Variants in BPTF observed in about 807,000 individuals in gnomAD.
BPTF encodes nucleosome-remodeling factor subunit BPTF.
Under a neutral mutation model 292.5 loss-of-function variants are expected in BPTF, and 18 were observed. The observed-to-expected ratio is 0.06, with a 90% confidence interval of 0.04 to 0.09. The LOEUF (loss-of-function observed/expected upper bound fraction) is 0.09, where lower values mean the gene tolerates loss of function less well. BPTF is among the 10% of genes least tolerant of loss of function. The pLI is 1.00. For missense variants in BPTF, 2,726 were observed against 3,498.7 expected (o/e 0.78, Z 5.57); for synonymous variants, 1,225 against 1,251.9 (o/e 0.98, Z 0.45).
chr17:67,954,126 ACGGG>A (rs537034909), intron 23 of BPTF, among the ~76,000 whole-genome samples: 2,253 of 9,432 alleles, frequency 0.24, 64 homozygotes, highest in Admixed American at 0.38. Flanking sequence ...AGCTGGGACT[ACGGG>A]TACGGGCGAA....
intron 4 of BPTF, among the ~76,000 whole-genome samples, chr17:67,882,178 T>TA (rs1176316218): frequency 6.6e-6 from 1 of 152,150 alleles, no homozygotes; most frequent in Non-Finnish European, 1.5e-5. Context: ...AGGCTTATGT[T>TA]ACACAGTACC....
intron 7 of BPTF, among the ~76,000 whole-genome samples, chr17:67,902,624 T>G (rs2061921044): frequency 6.6e-6 from 1 of 152,164 alleles, no homozygotes; most frequent in Non-Finnish European, 1.5e-5. Flanking sequence ...AGGCATGAGC[T>G]GTCAGCCTGG....
chr17:67,909,656 A>G lies in BPTF; in HGVS notation c.2887A>G (p.Ile963Val), dbSNP rs1475429030. 1.1e-5 allele frequency: 17 copies of G among 1,604,488 alleles called. No homozygotes were observed. The highest frequency in any genetic ancestry group is 1.3e-5 in the Non-Finnish European group (15 of 1,177,136). ...KCSRSPKKIKIEPDSEKDEVK... is the reference protein window; with the variant it reads ...KCSRSPKKIKVEPDSEKDEVK... ...TTCACGAAGTCCAAAAAAAATAAAA[A>G]TAGAGCCTGATTCTGAAAAAGATGA... Residue 963 changes from isoleucine (I) to valine (V), a missense_variant, in exon 10 of 28, where the codon ATA becomes GTA. This residue lies in a region of BPTF where 713 missense variants were observed against 714.9 expected (regional missense o/e 1.00). Transcript: ENST00000306378.
At chr17:67,831,751 T>C (rs2056701671) in intron 1 of BPTF, among the ~76,000 whole-genome samples, 2 of 152,112 alleles carry the variant, frequency 1.3e-5, no homozygotes, top group African/African-American at 4.8e-5. Context: ...CCCTTCCTGC[T>C]CCTTAGCCAG....
intron 4 of BPTF, among the ~76,000 whole-genome samples, chr17:67,883,760 C>G (rs1009154098): frequency 6.6e-6 from 1 of 152,140 alleles, no homozygotes; most frequent in Non-Finnish European, 1.5e-5. Context: ...GCCGCTGTGC[C>G]CAGCTAATTT....
chr17:67,857,135 TTCG>T (rs2058736714), intron 2 of BPTF, among the ~76,000 whole-genome samples: 1 of 151,306 alleles, frequency 6.6e-6, no homozygotes, highest in Admixed American at 6.6e-5. Flanking sequence ...TCCTTATGAG[TTCG>T]TCTTTAACAA....
At chr17:67,870,831 G>A (rs1272135938) in intron 3 of BPTF, among the ~76,000 whole-genome samples, 2 of 140,306 alleles carry the variant, frequency 1.4e-5, no homozygotes, top group South Asian at 2.3e-4. Context: ...GTGCAGTGGC[G>A]GGATCTCGGC....
At chr17:67,973,232 G>A (rs539733830) in intron 26 of BPTF, among the ~76,000 whole-genome samples, 18 of 150,828 alleles carry the variant, frequency 1.2e-4, no homozygotes, top group Middle Eastern at 3.4e-3. Context: ...AAATTAGCAA[G>A]GCATGGTGGC....
chr17:67,908,301 G>A (rs781190797), intron 9 of BPTF, among the ~76,000 whole-genome samples: 1 of 152,004 alleles, frequency 6.6e-6, no homozygotes, highest in South Asian at 2.1e-4. Context: ...TGGGACTACA[G>A]GCTCGTACCA....
At chr17:67,933,759 A>G (rs2064642646) in intron 18 of BPTF, among the ~76,000 whole-genome samples, 2 of 152,146 alleles carry the variant, frequency 1.3e-5, no homozygotes, top group Non-Finnish European at 2.9e-5. Flanking sequence ...ACATTCATTT[A>G]AAATATTTGT....
At chr17:67,833,246 T>C (rs2056866071) in intron 1 of BPTF, among the ~76,000 whole-genome samples, 1 of 142,674 alleles carries the variant, frequency 7.0e-6, no homozygotes, top group African/African-American at 2.5e-5. Flanking sequence ...CTATACAGCC[T>C]TTTTTTTTTT....
At chr17:67,856,163 C>T (rs1401013085) in intron 2 of BPTF, among the ~76,000 whole-genome samples, 1 of 152,106 alleles carries the variant, frequency 6.6e-6, no homozygotes, top group South Asian at 2.1e-4. Context: ...CAGTTTTCCT[C>T]TTTGTCTCTT....
intron 1 of BPTF, among the ~76,000 whole-genome samples, chr17:67,840,929 G>GTGAT (rs1318177670): frequency 6.6e-6 from 1 of 152,158 alleles, no homozygotes; most frequent in Non-Finnish European, 1.5e-5. Flanking sequence ...GTTAGGCTGT[G>GTGAT]TGATGTACAT....
At chr17:67,979,433 G>A (rs1436690462) in intron 27 of BPTF, among the ~76,000 whole-genome samples, 3 of 151,508 alleles carry the variant, frequency 2.0e-5, no homozygotes, top group Non-Finnish European at 4.4e-5. Flanking sequence ...TGTAATCCCA[G>A]CTACTCAGGA....
At chr17:67,837,839 G>A (rs1364204530) in intron 1 of BPTF, among the ~76,000 whole-genome samples, 1 of 152,190 alleles carries the variant, frequency 6.6e-6, no homozygotes, top group Non-Finnish European at 1.5e-5. Context: ...ACTCACTTGC[G>A]ATGTGATATG....
chr17:67,945,612 C>G lies in BPTF; in HGVS notation c.6904C>G (p.Gln2302Glu). ...EVQTQPEVQT[Q>E]TTVSSHVPSE... ...TCAGACTCAGCCTGAAGTTCAGACC[C>G]AAACAACTGTTTCATCCCATGTCCC... The change falls in exon 21 of 28, where the codon CAA becomes GAA. Residue 2302 changes from glutamine to glutamate, a missense_variant. By Grantham distance (29) the Gln-to-Glu change is conservative (BLOSUM62 2). Coordinates refer to ENST00000306378, the MANE Select transcript of BPTF (RefSeq NM_182641.4). 6.2e-7 allele frequency: 1 copy of G among 1,613,374 alleles called. No individual in the cohort carries two copies. The highest frequency in any genetic ancestry group is 8.5e-7 in the Non-Finnish European group (1 of 1,179,694).
intron 27 of BPTF, among the ~76,000 whole-genome samples, chr17:67,976,526 A>G (rs1452381353): frequency 6.6e-6 from 1 of 151,746 alleles, no homozygotes; most frequent in African/African-American, 2.4e-5. Context: ...TCTCTACAAA[A>G]ATTTAAAAAA....
chr17:67,977,220 A>C (rs1555694448), intron 27 of BPTF, among the ~76,000 whole-genome samples: 1 of 152,176 alleles, frequency 6.6e-6, no homozygotes, highest in East Asian at 1.9e-4. Flanking sequence ...ATTTTTAAAA[A>C]GTGTGTGCTA....
chr17:67,863,774 TA>T (rs2145372282), intron 2 of BPTF, among the ~76,000 whole-genome samples: 1 of 152,330 alleles, frequency 6.6e-6, no homozygotes, highest in African/African-American at 2.4e-5. Context: ...TTGGGGACAT[TA>T]TTCAACTCAT....
Sources: allele counts gnomAD v4.1 joint callset (sites outside exome capture counted in the v4.1 genomes callset), GRCh38; gene constraint gnomAD v4.1.1; regional missense constraint gnomAD v4.1.1; transcripts MANE v1.5; gene names NCBI Gene and HGNC (gene_info 2026-07-23, HGNC 2026-07-21).